GRK5: variants seen among roughly 807,000 people sequenced by gnomAD.
The protein encoded by GRK5 is g protein-coupled receptor kinase GRK5.
A neutral mutation model predicts 78.4 loss-of-function variants in GRK5; 40 were observed. The observed-to-expected ratio is 0.51, with a 90% CI of 0.40 to 0.66. The LOEUF (loss-of-function observed/expected upper bound fraction) is 0.66. Ranked by LOEUF, GRK5 falls within the 30% of genes least tolerant of loss-of-function variation. The pLI is 0.00. For missense variants in GRK5, 598 were observed against 759.9 expected (o/e 0.79, Z 2.50); for synonymous variants, 289 against 296.8 (o/e 0.97, Z 0.27).
intron 1 of GRK5, among the ~76,000 whole-genome samples, chr10:119,272,903 C>T (rs984569032): frequency 5.3e-5 from 8 of 152,128 alleles, no homozygotes; most frequent in African/African-American, 1.7e-4. Flanking sequence ...GAGGGGACTC[C>T]GCAGGCTGAG....
At chr10:119,390,975 TG>T (rs1851880270) in intron 3 of GRK5, among the ~76,000 whole-genome samples, 1 of 150,882 alleles carries the variant, frequency 6.6e-6, no homozygotes, top group African/African-American at 2.4e-5. Flanking sequence ...CTCCACCACG[TG>T]GAGAGATGCA....
intron 1 of GRK5, among the ~76,000 whole-genome samples, chr10:119,286,504 G>A (rs1012056909): frequency 6.6e-6 from 1 of 152,240 alleles, no homozygotes; most frequent in Non-Finnish European, 1.5e-5. Context: ...GGTCTGGAGG[G>A]CCCCAGGGCC....
At chr10:119,370,314 A>G (rs1248198236) in intron 2 of GRK5, among the ~76,000 whole-genome samples, 2 of 152,176 alleles carry the variant, frequency 1.3e-5, no homozygotes, top group Non-Finnish European at 2.9e-5. Flanking sequence ...TGGCTTCTCC[A>G]AGTGCCACCA....
At chr10:119,350,453 T>C (rs1851170988) in intron 2 of GRK5, among the ~76,000 whole-genome samples, 1 of 152,268 alleles carries the variant, frequency 6.6e-6, no homozygotes, top group Non-Finnish European at 1.5e-5. Context: ...TGCTCAAAAG[T>C]GTCTCTGACA....
At position 119,336,483 on chromosome 10, in the gene GRK5, C is replaced by T. The variant is rs184719224; in HGVS notation, c.148+9872C>T. ...AAGAATGAATTGGCATGTTCTTTGTCTAATTAAAAATCAAATGAATAAAGA... is the reference window on the plus strand; with the variant it reads ...AAGAATGAATTGGCATGTTCTTTGTTTAATTAAAAATCAAATGAATAAAGA... On this transcript the variant is annotated intron_variant, in intron 2 of 15. Transcript: ENST00000392870. This position sits in a 1 kb window ranked among gnomAD's most constrained non-coding sequence, Gnocchi z 4.5. 4.1e-4 allele frequency among the ~76,000 whole-genome samples: 63 copies of T among 152,210 alleles called. No homozygotes were observed. Among genetic ancestry groups the T allele is most frequent in the Middle Eastern group, 3.4e-3 (1 of 294 alleles).
intron 4 of GRK5, among the ~76,000 whole-genome samples, chr10:119,400,049 A>G (rs1852123760): frequency 6.6e-6 from 1 of 152,212 alleles, no homozygotes; most frequent in Non-Finnish European, 1.5e-5. Flanking sequence ...GTCATCTCCA[A>G]CATCCCCAGC....
intron 1 of GRK5, among the ~76,000 whole-genome samples, chr10:119,323,023 GACATTAC>G (rs1412677918): frequency 6.6e-6 from 1 of 152,228 alleles, no homozygotes; most frequent in African/African-American, 2.4e-5. Context: ...GAAGCTCGAG[GACATTAC>G]GCTAAGTGAA....
chr10:119,362,247 C>T (rs1851376955), intron 2 of GRK5, among the ~76,000 whole-genome samples: 1 of 152,218 alleles, frequency 6.6e-6, no homozygotes, highest in African/African-American at 2.4e-5. Flanking sequence ...CACCAAACTT[C>T]CTGTCCCTTG....
chr10:119,212,104 G>T (rs1458364791), intron 1 of GRK5, among the ~76,000 whole-genome samples: 1 of 151,738 alleles, frequency 6.6e-6, no homozygotes, highest in Non-Finnish European at 1.5e-5. Context: ...CTCGGTGTGT[G>T]TAAAAGCAGC....
At chr10:119,359,048 T>A (rs1851314509) in intron 2 of GRK5, among the ~76,000 whole-genome samples, 1 of 152,126 alleles carries the variant, frequency 6.6e-6, no homozygotes. Flanking sequence ...GGTTAGGGCT[T>A]CAACATATGA....
intron 1 of GRK5, among the ~76,000 whole-genome samples, chr10:119,312,643 G>T (rs977427011): frequency 6.6e-6 from 1 of 152,220 alleles, no homozygotes; most frequent in African/African-American, 2.4e-5. Flanking sequence ...GTAGAGGTGA[G>T]AGTGGGAGGA....
intron 10 of GRK5, among the ~76,000 whole-genome samples, chr10:119,441,702 G>A (rs753562602): frequency 1.3e-5 from 2 of 152,324 alleles, no homozygotes; most frequent in South Asian, 2.1e-4. Flanking sequence ...TGACCTCAGC[G>A]TTCCAGGAAG....
At chr10:119,236,132 T>C (rs1848920824) in intron 1 of GRK5, among the ~76,000 whole-genome samples, 1 of 152,208 alleles carries the variant, frequency 6.6e-6, no homozygotes. Flanking sequence ...TCTCAGCACT[T>C]TGGGAGGCCG....
intron 1 of GRK5, among the ~76,000 whole-genome samples, chr10:119,248,341 A>G (rs183889556): frequency 3.0e-4 from 46 of 152,280 alleles, no homozygotes; most frequent in East Asian, 2.7e-3. Context: ...CCATAAAAAG[A>G]GGGTCATGAT....
chr10:119,440,469 C>T (rs969250774), intron 10 of GRK5, among the ~76,000 whole-genome samples: 27 of 152,012 alleles, frequency 1.8e-4, no homozygotes, highest in Non-Finnish European at 3.7e-4. Flanking sequence ...CCTCTGCCTC[C>T]CAGGTTCAAG....
chr10:119,218,651 G>T (rs1848613330), intron 1 of GRK5, among the ~76,000 whole-genome samples: 1 of 152,152 alleles, frequency 6.6e-6, no homozygotes, highest in African/African-American at 2.4e-5. Context: ...AATAGGGGTG[G>T]AGTAAGGACA....
chr10:119,289,812 G>A (rs540776643), intron 1 of GRK5, among the ~76,000 whole-genome samples: 2 of 152,314 alleles, frequency 1.3e-5, no homozygotes, highest in African/African-American at 2.4e-5. Flanking sequence ...GTATAACCAT[G>A]TTCTTTGTTC....
chr10:119,447,431 C>T (rs976339074), intron 12 of GRK5, among the ~76,000 whole-genome samples: 1 of 152,272 alleles, frequency 6.6e-6, no homozygotes, highest in East Asian at 1.9e-4. Context: ...TTTGGGTGTT[C>T]CCCAGACTCA....
In GRK5 at chr10:119,228,710, C is replaced by G. The variant is rs187205540; in HGVS notation, c.52+20741C>G. On this transcript the variant is annotated intron_variant, in intron 1 of 15. Coordinates refer to ENST00000392870, the MANE Select transcript of GRK5 (RefSeq NM_005308.3). ...ATAGTGAGCAGGGGTTAGGAAAACC[C>G]AGATTATGTACAACGAATGTGCGTT... 5.3e-5 allele frequency among the ~76,000 whole-genome samples: 8 copies of G among 152,216 alleles called. No homozygotes were observed. The East Asian group carries it at 1.5e-3, about 29-fold the overall frequency.
Sources: gnomAD v4.1 joint callset for allele counts (sites outside exome capture counted in the v4.1 genomes callset) on GRCh38, gnomAD v4.1.1 for gene constraint, Gnocchi (gnomAD v3.1) non-coding constraint, MANE v1.5 for transcripts, NCBI Gene and HGNC (gene_info 2026-07-23, HGNC 2026-07-21) for gene names.